Variants in PDE1A observed in about 807,000 individuals in gnomAD.
PDE1A encodes the protein phosphodiesterase 1A.
PDE1A carries 35 observed loss-of-function variants against 61.7 expected under a neutral mutation model. The ratio of observed to expected loss-of-function variants is 0.57; its 90% CI spans 0.43 to 0.75. The LOEUF is 0.75. Ranked by LOEUF, PDE1A falls within the 30% of genes least tolerant of loss-of-function variation. The pLI is 0.00. For synonymous variants in PDE1A, 232 were observed against 213.2 expected (o/e 1.09, Z -0.77); for missense variants, 597 against 630.6 (o/e 0.95, Z 0.57).
intron 1 of PDE1A, among the ~76,000 whole-genome samples, chr2:182,341,645 T>C (rs1698191852): frequency 6.6e-6 from 1 of 152,240 alleles, no homozygotes; most frequent in Non-Finnish European, 1.5e-5. Context: ...GAAATTTTCT[T>C]TGTAACTTCA....
downstream of PDE1A, among the ~76,000 whole-genome samples, chr2:182,164,968 T>C (rs2125305891): frequency 6.6e-6 from 1 of 151,982 alleles, no homozygotes; most frequent in African/African-American, 2.4e-5. Flanking sequence ...AGGGAAAAAG[T>C]GCAGCAATCA....
chr2:182,296,557 A>G (rs1275655084), intron 1 of PDE1A, among the ~76,000 whole-genome samples: 2 of 152,186 alleles, frequency 1.3e-5, no homozygotes, highest in Non-Finnish European at 2.9e-5. Flanking sequence ...TGAGTGGCCT[A>G]TGATGTATTG....
At chr2:182,395,268 C>A (rs894189303) in intron 1 of PDE1A, among the ~76,000 whole-genome samples, 3 of 152,208 alleles carry the variant, frequency 2.0e-5, no homozygotes, top group Admixed American at 2.0e-4. Flanking sequence ...GGCTTTGTGT[C>A]ATAATCTTGT....
At chr2:182,639,537 C>G in the PDE1A span, among the ~76,000 whole-genome samples, 1 of 151,906 alleles carries the variant, frequency 6.6e-6, no homozygotes, top group African/African-American at 2.4e-5. Flanking sequence ...CACTGCACTC[C>G]GGCCTGCATG....
At chr2:182,389,167 T>C (rs1278545768) in intron 1 of PDE1A, among the ~76,000 whole-genome samples, 1 of 152,174 alleles carries the variant, frequency 6.6e-6, no homozygotes, top group Non-Finnish European at 1.5e-5. Context: ...ACTGAGAATC[T>C]TGAGAATTTA....
intron 1 of PDE1A, among the ~76,000 whole-genome samples, chr2:182,380,379 T>C (rs1700662494): frequency 1.3e-5 from 2 of 152,134 alleles, no homozygotes; most frequent in African/African-American, 4.8e-5. Flanking sequence ...CCCAAAGTGC[T>C]GGGATTACAG....
rs574178472 is a variant in PDE1A at position 182,367,199 on chromosome 2, A to T, written c.53+59379T>A. Reference sequence around the variant, plus strand: ...GAAGTCATATGGAAAAGATTTTTTTAAAATGACAGCTGAGTTTAATATTAG... The same window carrying T: ...GAAGTCATATGGAAAAGATTTTTTTTAAATGACAGCTGAGTTTAATATTAG... On this transcript the variant is annotated intron_variant, in intron 1 of 13. Transcript: ENST00000351439. Among the ~76,000 whole-genome samples, 10 of 152,172 alleles carry T rather than the reference A, an allele frequency of 6.6e-5. 1 individual carries two copies. Among genetic ancestry groups the T allele is most frequent in the Admixed American group, 2.0e-4 (3 of 15,276 alleles).
At chr2:182,557,628 C>T in the PDE1A span, among the ~76,000 whole-genome samples, 1 of 152,098 alleles carries the variant, frequency 6.6e-6, no homozygotes, top group African/African-American at 2.4e-5. Flanking sequence ...GGGAAGATGG[C>T]TTGAACCCGG....
At chr2:182,413,336 C>T (rs902337525) in intron 1 of PDE1A, among the ~76,000 whole-genome samples, 1 of 151,996 alleles carries the variant, frequency 6.6e-6, no homozygotes, top group East Asian at 1.9e-4. Flanking sequence ...GGGCTGAAGA[C>T]TAGAAGATTA....
chr2:182,296,366 T>C (rs1399512161), intron 1 of PDE1A, among the ~76,000 whole-genome samples: 3 of 152,168 alleles, frequency 2.0e-5, no homozygotes, highest in Non-Finnish European at 4.4e-5. Flanking sequence ...ACTTATCAAC[T>C]AGGGTGAACT....
chr2:182,652,088 G>T, the PDE1A span, among the ~76,000 whole-genome samples: 2 of 152,134 alleles, frequency 1.3e-5, no homozygotes, highest in African/African-American at 4.8e-5. Flanking sequence ...TGCATATAAG[G>T]TATGTTTTCT....
intron 1 of PDE1A, among the ~76,000 whole-genome samples, chr2:182,278,861 A>G (rs1232692083): frequency 6.6e-6 from 1 of 152,024 alleles, no homozygotes; most frequent in Non-Finnish European, 1.5e-5. Context: ...ACAATTTTTA[A>G]CTTTTTAAAG....
At chr2:182,516,873 A>C (rs1451406897) in intron 2 of PDE1A, among the ~76,000 whole-genome samples, 1 of 134,110 alleles carries the variant, frequency 7.5e-6, no homozygotes, top group Non-Finnish European at 1.5e-5. Context: ...GAGGAAGATG[A>C]ATCTTTGTGA....
chr2:182,487,293 T>C (rs1051146593), intron 2 of PDE1A, among the ~76,000 whole-genome samples: 17 of 152,098 alleles, frequency 1.1e-4, no homozygotes, highest in Admixed American at 8.5e-4. Flanking sequence ...GTGAAGAAGG[T>C]GGAACTCTCA....
chr2:182,511,075 T>C (rs1396338537), intron 2 of PDE1A, among the ~76,000 whole-genome samples: 2 of 152,212 alleles, frequency 1.3e-5, no homozygotes, highest in Non-Finnish European at 2.9e-5. Context: ...GATACTTTTC[T>C]AAATAATTTG....
chr2:182,584,976 T>C, the PDE1A span, among the ~76,000 whole-genome samples: 1 of 152,310 alleles, frequency 6.6e-6, no homozygotes, highest in East Asian at 1.9e-4. Context: ...ACAATAAACC[T>C]GGACGTAAAA....
At chr2:182,710,872 C>T in the PDE1A span, among the ~76,000 whole-genome samples, 1 of 152,128 alleles carries the variant, frequency 6.6e-6, no homozygotes, top group South Asian at 2.1e-4. Context: ...CTAACTCTAC[C>T]CTAGTCCAAG....
intron 1 of PDE1A, among the ~76,000 whole-genome samples, chr2:182,323,899 G>A (rs1181990126): frequency 6.6e-6 from 1 of 152,126 alleles, no homozygotes; most frequent in Non-Finnish European, 1.5e-5. Flanking sequence ...AGGCACAACT[G>A]TAGGGCCTGA....
intron 1 of PDE1A, among the ~76,000 whole-genome samples, chr2:182,381,173 CTTTT>C (rs557957021): frequency 3.5e-5 from 5 of 143,230 alleles, no homozygotes; most frequent in Non-Finnish European, 7.7e-5. Context: ...TGAATGTGTA[CTTTT>C]TTTTTTTTTT....
Sources: gnomAD v4.1 joint callset for allele counts (sites outside exome capture counted in the v4.1 genomes callset) on GRCh38, gnomAD v4.1.1 for gene constraint, MANE v1.5 for transcripts, NCBI Gene and HGNC (gene_info 2026-07-23, HGNC 2026-07-21) for gene names.